Variants in SLC13A3 observed in about 807,000 individuals in gnomAD.
SLC13A3 encodes Na(+)/dicarboxylate cotransporter 3.
In SLC13A3, 40 loss-of-function variants were observed where a neutral mutation model predicts 59.0. The ratio of observed to expected loss-of-function variants is 0.68; its 90% CI spans 0.53 to 0.88. The LOEUF (loss-of-function observed/expected upper bound fraction) is 0.88. Ranked by LOEUF, SLC13A3 falls within the 40% of genes least tolerant of loss-of-function variation. The pLI, the probability that SLC13A3 is intolerant of heterozygous loss-of-function variation, is 0.00. For synonymous variants in SLC13A3, 317 were observed against 330.3 expected (o/e 0.96, Z 0.44); for missense variants, 699 against 783.2 (o/e 0.89, Z 1.28).
intron 3 of SLC13A3, among the ~76,000 whole-genome samples, chr20:46,605,559 C>G (rs1371084952): frequency 6.6e-6 from 1 of 152,174 alleles, no homozygotes; most frequent in Non-Finnish European, 1.5e-5. Flanking sequence ...TCCAAGCAGC[C>G]TTACAGAGCT....
chr20:46,607,344 C>T (rs1320490760), intron 3 of SLC13A3, among the ~76,000 whole-genome samples: 4 of 152,136 alleles, frequency 2.6e-5, no homozygotes, highest in East Asian at 1.9e-4. Context: ...CTTCCTTGTG[C>T]CTCTCCTAGC....
chr20:46,583,328 A>C, intron 9 of SLC13A3: 1 of 1,102,202 alleles, frequency 9.1e-7, no homozygotes, highest in Non-Finnish European at 1.1e-6. Flanking sequence ...TGCTTAGCTC[A>C]CAGGCTGTTC....
At chr20:46,652,417 C>T (rs2062958067), upstream of SLC13A3, among the ~76,000 whole-genome samples, 1 of 151,776 alleles carries the variant, frequency 6.6e-6, no homozygotes, top group Non-Finnish European at 1.5e-5. Flanking sequence ...GAGATGTAGT[C>T]TCACTCTGTA....
At chr20:46,613,318 A>AATAAATAAATAC (rs1190452898) in intron 2 of SLC13A3, 142 bp downstream of exon 2, 28 of 475,524 alleles carry the variant, frequency 5.9e-5, no homozygotes, top group African/African-American at 5.6e-4. Context: ...TAAATAAATA[A>AATAAATAAATAC]ATAAATAAAT....
At chr20:46,635,192 A>G (rs909494513) in intron 1 of SLC13A3, among the ~76,000 whole-genome samples, 3 of 152,076 alleles carry the variant, frequency 2.0e-5, no homozygotes, top group Non-Finnish European at 2.9e-5. Flanking sequence ...GTTATTCCCA[A>G]TGATCTGTAA....
chr20:46,563,592 A>G (rs752883664), intron 11 of SLC13A3, 41 bp from the exon 12 acceptor site: 3 of 1,593,424 alleles, frequency 1.9e-6, no homozygotes, highest in East Asian at 2.3e-5. Flanking sequence ...AGAGAGACCA[A>G]CGCAGAGCGA....
At chr20:46,564,688 C>G (rs1270028428) in intron 11 of SLC13A3, among the ~76,000 whole-genome samples, 1 of 152,192 alleles carries the variant, frequency 6.6e-6, no homozygotes, top group Admixed American at 6.5e-5. Context: ...TCTCTAACGA[C>G]ATTTTAAACG....
chr20:46,594,258 C>T (rs750243470), intron 5 of SLC13A3, among the ~76,000 whole-genome samples: 13 of 149,488 alleles, frequency 8.7e-5, no homozygotes, highest in Non-Finnish European at 1.3e-4. Context: ...ATATATATTA[C>T]ATACTTAAAC....
intron 3 of SLC13A3, among the ~76,000 whole-genome samples, chr20:46,607,010 G>T (rs575459077): frequency 8.5e-5 from 13 of 152,216 alleles, no homozygotes; most frequent in Non-Finnish European, 1.9e-4. Context: ...GCCCCACCCT[G>T]CCCTAGGTTC....
At chr20:46,585,278 T>C in intron 8 of SLC13A3, 2 of 980,820 alleles carry the variant, frequency 2.0e-6, no homozygotes, top group Non-Finnish European at 2.4e-6. Flanking sequence ...ATCTGGAATG[T>C]CATACACCAA....
rs112668567 is a variant in SLC13A3 at position 46,579,502 on chromosome 20, A to G, written c.1220-3817T>C. 1.6e-4 allele frequency among the ~76,000 whole-genome samples: 24 copies of G among 152,058 alleles called. 1 individual carries two copies. The highest frequency in any genetic ancestry group is 5.3e-4 in the African/African-American group (22 of 41,472). On this transcript the variant is annotated intron_variant, in intron 9 of 12. Transcript: ENST00000279027. Reference sequence around the variant, plus strand: ...GGAAACTTACTGACCAAAATATAAGACTCCACAAAAGTCTTTAGTGTTAAA... The same window carrying G: ...GGAAACTTACTGACCAAAATATAAGGCTCCACAAAAGTCTTTAGTGTTAAA...
rs148766810 is a variant in SLC13A3 at position 46,606,523 on chromosome 20, G to A, written c.541+3923C>T. ...AGCTTTCTATGGACAGAGAAAAGGA[G>A]GGGAAAGAGTTTAGATTCAAAAGCC... On this transcript the variant is annotated intron_variant, in intron 3 of 12. Coordinates refer to ENST00000279027, the MANE Select transcript of SLC13A3 (RefSeq NM_022829.6). Among the ~76,000 whole-genome samples the A allele has an allele frequency of 8.4e-3, 1,286 of 152,272 alleles. 9 individuals are homozygous for A. The highest frequency in any genetic ancestry group is 0.02 in the Middle Eastern group (6 of 294).
At chr20:46,601,203 C>T (rs1227507742) in intron 3 of SLC13A3, among the ~76,000 whole-genome samples, 2 of 152,048 alleles carry the variant, frequency 1.3e-5, no homozygotes, top group South Asian at 2.1e-4. Context: ...ATGCCCAAGA[C>T]GATATGATTT....
chr20:46,591,068 G>T (rs574155761), intron 6 of SLC13A3, among the ~76,000 whole-genome samples: 1 of 152,016 alleles, frequency 6.6e-6, no homozygotes, highest in East Asian at 1.9e-4. Context: ...TACTCTGGAG[G>T]CTGAGGCAGG....
At chr20:46,601,196 C>T (rs1262544095) in intron 3 of SLC13A3, among the ~76,000 whole-genome samples, 6 of 152,122 alleles carry the variant, frequency 3.9e-5, no homozygotes, top group African/African-American at 1.4e-4. Context: ...GGATTTAATG[C>T]CCAAGACGAT....
At chr20:46,651,625 A>G (rs1030410127), upstream of SLC13A3, among the ~76,000 whole-genome samples, 3 of 152,250 alleles carry the variant, frequency 2.0e-5, no homozygotes, top group African/African-American at 7.2e-5. Context: ...GTTAGGCACT[A>G]GAATTAGCAA....
rs991777518 is a variant in SLC13A3 at position 46,603,458 on chromosome 20, T to A, written c.542-3421A>T. Among the ~76,000 whole-genome samples the A allele has an allele frequency of 6.6e-5, 10 of 151,804 alleles. No individual in the cohort carries two copies. In the South Asian group the frequency reaches 1.7e-3, roughly 25 times the overall value. On this transcript the variant is annotated intron_variant, in intron 3 of 12. Transcript: ENST00000279027. Reference sequence around the variant, plus strand: ...GGCACGATCACAGCTCACAACAGCCTCGACATACCAGGCTCAAGTGATCCT... The same window carrying A: ...GGCACGATCACAGCTCACAACAGCCACGACATACCAGGCTCAAGTGATCCT...
chr20:46,622,780 C>T (rs1482653062), intron 1 of SLC13A3, among the ~76,000 whole-genome samples: 3 of 152,070 alleles, frequency 2.0e-5, no homozygotes, highest in African/African-American at 4.8e-5. Context: ...TTTAAAAAGA[C>T]ATGACTCAGA....
intron 1 of SLC13A3, among the ~76,000 whole-genome samples, chr20:46,615,390 G>A (rs967237111): frequency 3.3e-5 from 5 of 152,266 alleles, no homozygotes; most frequent in East Asian, 1.9e-4. Context: ...ATCAGGTTAC[G>A]TGGGGGATGC....
Sources: gnomAD v4.1 joint callset for allele counts (sites outside exome capture counted in the v4.1 genomes callset) on GRCh38, gnomAD v4.1.1 for gene constraint, MANE v1.5 for transcripts, NCBI Gene and HGNC (gene_info 2026-07-23, HGNC 2026-07-21) for gene names.